CALB2: variants seen among roughly 807,000 people sequenced by gnomAD.
The protein encoded by CALB2 is calbindin 2.
Under a neutral mutation model 45.9 loss-of-function variants are expected in CALB2, and 34 were observed. The ratio of observed to expected loss-of-function variants is 0.74; its 90% CI spans 0.56 to 0.99. The LOEUF (loss-of-function observed/expected upper bound fraction) is 0.99, where lower values mean the gene tolerates loss of function less well. Among genes scored for constraint, CALB2 ranks in the 50% least tolerant of loss-of-function variants. The pLI is 0.00. For missense variants in CALB2, 344 were observed against 339.3 expected (o/e 1.01, Z -0.11); for synonymous variants, 142 against 129.6 (o/e 1.10, Z -0.65).
chr16:71,376,690 CACAT>C (rs1393216698), intron 3 of CALB2, among the ~76,000 whole-genome samples: 3 of 151,926 alleles, frequency 2.0e-5, no homozygotes, highest in East Asian at 1.9e-4. Flanking sequence ...CACATACATT[CACAT>C]ACAACCACAT....
In CALB2 at chr16:71,390,279, T is replaced by C. The variant is rs965968844; in HGVS notation, c.*414T>C. 6.0e-6 allele frequency: 1 copy of C among 165,568 alleles called. No homozygotes were observed. The highest frequency in any genetic ancestry group is 1.3e-5 in the Non-Finnish European group (1 of 76,044). 10.3% of individuals were successfully genotyped at this position (165,568 alleles called of 1,614,324 possible). On this transcript the variant is annotated 3_prime_UTR_variant, in exon 11 of 11. Coordinates refer to ENST00000302628, the MANE Select transcript of CALB2 (RefSeq NM_001740.5). ...CAGGTTCCATCCACCACCTTGCCAA[T>C]GGTGTAGCTGTCCTCTCAGAACTCC...
At chr16:71,384,592 A>C (rs1210516177) in intron 8 of CALB2, among the ~76,000 whole-genome samples, 191 bp from the exon 9 acceptor site, 1 of 129,622 alleles carries the variant, frequency 7.7e-6, no homozygotes, top group African/African-American at 3.0e-5. Flanking sequence ...CAGACCACAC[A>C]CACTACATAT....
At chr16:71,371,271 G>C (rs2042347212) in intron 1 of CALB2, among the ~76,000 whole-genome samples, 1 of 152,134 alleles carries the variant, frequency 6.6e-6, no homozygotes, top group South Asian at 2.1e-4. Context: ...CTTGATCCCT[G>C]TGACCAAGTC....
chr16:71,386,625 T>C (rs1340913358), intron 10 of CALB2, among the ~76,000 whole-genome samples: 1 of 152,232 alleles, frequency 6.6e-6, no homozygotes, highest in African/African-American at 2.4e-5. Context: ...AGCCAAACCT[T>C]TGCAGCTGTC....
At position 71,385,585 on chromosome 16, in the gene CALB2, C is replaced by T. The variant is rs779846737; in HGVS notation, c.636C>T (p.Ser212=). The T allele has an allele frequency of 5.0e-6, 8 of 1,613,984 alleles. No homozygotes were observed. The Admixed American group carries it at 1.2e-4, about 24-fold the overall frequency. ...TCTGCTCCCATCCCCAGGATAGAAG[C>T]GGCTACATTGACGAGCATGAGCTGG... ...AIFTFYDKDR[S]GYIDEHELDA... Residue 212 remains serine (S), a synonymous_variant, in exon 10 of 11, where the codon AGC becomes AGT. Coordinates refer to ENST00000302628, the MANE Select transcript of CALB2 (RefSeq NM_001740.5).
At chr16:71,363,202 A>G (rs1471647007) in intron 1 of CALB2, among the ~76,000 whole-genome samples, 2 of 152,180 alleles carry the variant, frequency 1.3e-5, no homozygotes, top group African/African-American at 4.8e-5. Flanking sequence ...ATAACTAACT[A>G]AATAAATAAA....
intron 1 of CALB2, among the ~76,000 whole-genome samples, chr16:71,367,058 G>A (rs529901538): frequency 3.3e-5 from 5 of 152,100 alleles, no homozygotes; most frequent in African/African-American, 4.8e-5. Context: ...TCACTGAGGG[G>A]TGAAGCCTCC....
rs373857740 is a variant in CALB2 at position 71,378,636 on chromosome 16, C to T, written c.342+889C>T. Reference sequence around the variant, plus strand: ...AAGATCCCCAGATGATGTGTATGCACATTAAAATGTAGGGAATAAGATGAG... The same window carrying T: ...AAGATCCCCAGATGATGTGTATGCATATTAAAATGTAGGGAATAAGATGAG... On this transcript the variant is annotated intron_variant, in intron 4 of 10. Transcript: ENST00000302628. Among the ~76,000 whole-genome samples the T allele has an allele frequency of 3.3e-5, 5 of 152,172 alleles. No homozygotes were observed. The East Asian group carries it at 7.7e-4, about 23-fold the overall frequency.
At chr16:71,381,578 G>A (rs2042492043) in intron 4 of CALB2, among the ~76,000 whole-genome samples, 1 of 152,188 alleles carries the variant, frequency 6.6e-6, no homozygotes, top group South Asian at 2.1e-4. Context: ...ATGCAGTGGA[G>A]AAGTGGGGGG....
intron 2 of CALB2, 114 bp from the exon 3 acceptor site, chr16:71,374,631 C>T: frequency 1.4e-6 from 1 of 695,466 alleles, no homozygotes; most frequent in South Asian, 1.6e-5. Flanking sequence ...ATCAGCACAA[C>T]TTGGTTCTGC....
In CALB2 at chr16:71,372,229, G is replaced by A. The variant is rs780393008; in HGVS notation, c.171G>A (p.Met57Ile). ...ELEKARKGSG[M>I]MSKSDNFGEK... ...AGAAGGCAAGGAAAGGCTCTGGCAT[G>A]GTAAGCCCAGCCCTGTCTCCGATTG... Residue 57 changes from methionine (M) to isoleucine (I), a missense_variant and splice_region_variant, in exon 2 of 11, where the codon ATG becomes ATA. This residue lies in a region of CALB2 where 77 missense variants were observed against 80.5 expected (regional missense o/e 0.96). Coordinates refer to ENST00000302628, the MANE Select transcript of CALB2 (RefSeq NM_001740.5). 4.3e-6 allele frequency: 7 copies of A among 1,610,870 alleles called. No individual in the cohort carries two copies. Among genetic ancestry groups the A allele is most frequent in the Admixed American group, 1.7e-5 (1 of 59,784 alleles).
intron 9 of CALB2, 59 bp from the exon 10 acceptor site, chr16:71,385,518 G>T: frequency 6.7e-7 from 1 of 1,497,588 alleles, no homozygotes; most frequent in East Asian, 2.3e-5. Flanking sequence ...CCTGGAATGG[G>T]TCGGGACAGC....
chr16:71,382,139 A>AGAAGGAAGGAAAAG (rs1555526534), intron 4 of CALB2, among the ~76,000 whole-genome samples: 5 of 64,726 alleles, frequency 7.7e-5, no homozygotes, highest in East Asian at 6.9e-4. Context: ...AAGGAAGGAA[A>AGAAGGAAGGAAAAG]GAAGGAAGGA....
chr16:71,377,178 G>A (rs1472601221), intron 3 of CALB2, among the ~76,000 whole-genome samples: 1 of 152,164 alleles, frequency 6.6e-6, no homozygotes. Flanking sequence ...CAATTTACAT[G>A]CAATAACTGC....
intron 8 of CALB2, 114 bp from the exon 9 acceptor site, chr16:71,384,660 CACACACACA>C (rs2042547000): frequency 9.3e-6 from 3 of 321,826 alleles, no homozygotes; most frequent in East Asian, 6.3e-5. Flanking sequence ...GACCACACAC[CACACACACA>C]ACACACACAT....
intron 1 of CALB2, among the ~76,000 whole-genome samples, chr16:71,371,889 G>T (rs1375257474): frequency 6.6e-6 from 1 of 152,158 alleles, no homozygotes; most frequent in Non-Finnish European, 1.5e-5. Flanking sequence ...TTCGGAAGCT[G>T]CCAACTTCTG....
intron 4 of CALB2, among the ~76,000 whole-genome samples, chr16:71,381,694 G>C (rs1473876053): frequency 6.6e-6 from 1 of 151,818 alleles, no homozygotes; most frequent in African/African-American, 2.4e-5. Flanking sequence ...GAGAAGCGAA[G>C]AAAAGTCAGG....
chr16:71,360,660 C>T (rs2042228722), intron 1 of CALB2, among the ~76,000 whole-genome samples: 1 of 152,186 alleles, frequency 6.6e-6, no homozygotes, highest in African/African-American at 2.4e-5. Flanking sequence ...TACTTTCCCC[C>T]ATTCTCAGAG....
intron 1 of CALB2, among the ~76,000 whole-genome samples, chr16:71,371,809 A>G (rs1294633408): frequency 6.6e-6 from 1 of 152,182 alleles, no homozygotes; most frequent in African/African-American, 2.4e-5. Context: ...GCCTCTGACC[A>G]GGTCCCGCCA....
Sources: allele counts gnomAD v4.1 joint callset (sites outside exome capture counted in the v4.1 genomes callset), GRCh38; gene constraint gnomAD v4.1.1; regional missense constraint gnomAD v4.1.1; transcripts MANE v1.5; gene names NCBI Gene and HGNC (gene_info 2026-07-23, HGNC 2026-07-21).